Variants in LOXHD1 observed in about 807,000 individuals in gnomAD.
LOXHD1 encodes the protein lipoxygenase homology PLAT domains 1.
LOXHD1 carries 205 observed loss-of-function variants against 248.2 expected under a neutral mutation model. The observed-to-expected ratio is 0.83, with a 90% CI of 0.74 to 0.93. The LOEUF is 0.93. Among genes scored for constraint, LOXHD1 ranks in the 40% least tolerant of loss-of-function variants. The pLI, the probability that LOXHD1 is intolerant of heterozygous loss-of-function variation, is 0.00. For synonymous variants in LOXHD1, 1,113 were observed against 1,162.8 expected (o/e 0.96, Z 0.87); for missense variants, 2,930 against 2,971.6 (o/e 0.99, Z 0.33).
intron 20 of LOXHD1, chr18:46,557,752 C>T: frequency 1.1e-6 from 1 of 900,338 alleles, no homozygotes; most frequent in Non-Finnish European, 1.6e-6. Flanking sequence ...GTGAAGGTGA[C>T]CTTGAGAGGC....
intron 4 of LOXHD1, among the ~76,000 whole-genome samples, chr18:46,634,131 A>G (rs1235524200): frequency 1.3e-5 from 2 of 152,238 alleles, no homozygotes; most frequent in African/African-American, 4.8e-5. Flanking sequence ...TTGTACGCCC[A>G]TGTTCATAGC....
intron 37 of LOXHD1, among the ~76,000 whole-genome samples, chr18:46,497,459 A>T (rs2033945791): frequency 6.6e-6 from 1 of 152,178 alleles, no homozygotes. Flanking sequence ...TATGTGTGCA[A>T]TTAGTGTCTT....
rs2036623810 is a variant in LOXHD1 at position 46,542,872 on chromosome 18, C to A, written c.3620-17G>T. 1.3e-6 allele frequency: 2 copies of A among 1,551,522 alleles called. No homozygotes were observed. The highest frequency in any genetic ancestry group is 1.4e-5 in the African/African-American group (1 of 73,016). On this transcript the variant is annotated splice_polypyrimidine_tract_variant and intron_variant, in intron 23 of 40. Transcript: ENST00000642948. ...GGGTCATTCCTGTGGATCAGATGACCCCAGCATGACTGGCTGGACCTGAGG... is the reference window on the plus strand; with the variant it reads ...GGGTCATTCCTGTGGATCAGATGACACCAGCATGACTGGCTGGACCTGAGG...
At chr18:46,638,409 A>T (rs1199520076) in intron 4 of LOXHD1, among the ~76,000 whole-genome samples, 1 of 152,202 alleles carries the variant, frequency 6.6e-6, no homozygotes, top group Non-Finnish European at 1.5e-5. Flanking sequence ...AGGTGGGTGG[A>T]TCACCTGAGG....
chr18:46,538,885 C>T (rs1415806987), intron 25 of LOXHD1, among the ~76,000 whole-genome samples: 1 of 152,162 alleles, frequency 6.6e-6, no homozygotes. Flanking sequence ...TCCCAGATGG[C>T]CTGCCTGCCC....
chr18:46,577,619 C>T lies in LOXHD1; in HGVS notation c.1970+88G>A. ...TAGCCTTAAGCCACTGTTTTGCTTG[C>T]TGGTCATGGTAGTAGGGCTGGGTCT... On this transcript the variant is annotated intron_variant, in intron 14 of 40. Transcript: ENST00000642948. The T allele has an allele frequency of 2.8e-6, 4 of 1,437,764 alleles. No homozygotes were observed. The Admixed American group carries it at 6.5e-5, about 23-fold the overall frequency. The allele number at this position is 1,437,764 out of a possible 1,614,324, so 89.1% of individuals were successfully genotyped here.
rs189873733 is a variant in LOXHD1 at position 46,477,553 on chromosome 18, G to A, written c.6741C>T (p.Ala2247=). 3.8e-3 allele frequency: 5,912 copies of A among 1,551,616 alleles called. 18 individuals are homozygous for A. Among genetic ancestry groups the A allele is most frequent in the Non-Finnish European group, 4.5e-3 (5,139 of 1,147,000 alleles). Residue 2247 remains alanine (A), a synonymous_variant, in exon 41 of 41, where the codon GCC becomes GCT. Transcript: ENST00000642948. ...GCCACCTGCCACAGTTGAAGATGGT[G>A]GCCACGCCGGTGCTGGTGTTGGTGA... The part of the protein sequence containing the change: ...VEVTNTSTGV[A]TIFNCGRWLD...
chr18:46,579,310 T>TG (rs897332687), intron 13 of LOXHD1, among the ~76,000 whole-genome samples: 17 of 152,026 alleles, frequency 1.1e-4, no homozygotes, highest in Non-Finnish European at 2.1e-4. Flanking sequence ...AGCTCAGGGG[T>TG]GGGGGAGAAC....
At chr18:46,615,573 T>C (rs1334135383) in intron 5 of LOXHD1, among the ~76,000 whole-genome samples, 1 of 152,230 alleles carries the variant, frequency 6.6e-6, no homozygotes. Flanking sequence ...TCAAAGAATG[T>C]TGTCCCTATA....
chr18:46,638,376 A>G (rs1405774749), intron 4 of LOXHD1, among the ~76,000 whole-genome samples: 1 of 152,240 alleles, frequency 6.6e-6, no homozygotes, highest in Non-Finnish European at 1.5e-5. Context: ...TCATGCCTGT[A>G]ATCCCAGCAC....
chr18:46,577,597 C>T (rs2037882625), intron 14 of LOXHD1, 110 bp downstream of exon 14: 1 of 1,288,992 alleles, frequency 7.8e-7, no homozygotes, highest in African/African-American at 1.5e-5. Flanking sequence ...CCAGCTATAG[C>T]CTTAAGCCAC....
Position 46,521,199 on chromosome 18 carries a change from G to A in LOXHD1, c.5169C>T (p.Tyr1723=), listed in dbSNP as rs114736976. The change falls in exon 33 of 41, where the codon TAC becomes TAT. Residue 1723 remains tyrosine, a synonymous_variant. Coordinates refer to ENST00000642948, the MANE Select transcript of LOXHD1 (RefSeq NM_001384474.1). Reference sequence around the variant, plus strand: ...CCAGCCAGCAGTTACAGTTCAACATGTACTTGGTGCCCTGGGTGGGCACTG... The same window carrying A: ...CCAGCCAGCAGTTACAGTTCAACATATACTTGGTGCCCTGGGTGGGCACTG... ...CLAVPTQGTK[Y]MLNCNCWLAK... The A allele has an allele frequency of 3.2e-4, 497 of 1,551,746 alleles. No homozygotes were observed. The African/African-American group carries it at 6.2e-3, about 19-fold the overall frequency.
At chr18:46,511,260 A>G (rs902276438) in intron 34 of LOXHD1, among the ~76,000 whole-genome samples, 7 of 152,160 alleles carry the variant, frequency 4.6e-5, no homozygotes, top group Admixed American at 2.0e-4. Context: ...TTTGTCCTTC[A>G]GTCTTCCCAA....
intron 39 of LOXHD1, among the ~76,000 whole-genome samples, chr18:46,484,286 C>T (rs893566303): frequency 2.8e-4 from 42 of 152,152 alleles, no homozygotes; most frequent in African/African-American, 9.6e-4. Context: ...ATGTCTGTGC[C>T]CCAGTTCCCC....
rs867709870 is a variant in LOXHD1 at position 46,542,819 on chromosome 18, T to C, written c.3656A>G (p.Asp1219Gly). Residue 1219 changes from aspartate (D) to glycine (G), a missense_variant, in exon 24 of 41, where the codon GAT (aspartate) becomes GGT (glycine). By Grantham distance (94) the Asp-to-Gly change is moderately conservative. Transcript: ENST00000642948. ...TLLKSSKTNS[D>G]KFERDSIEIF... is the part of the protein sequence containing the mutation. ...TTCAATGCTGTCCCTCTCAAACTTA[T>C]CGCTGTTTGTCTTGGAGGACTTCAG... The C allele has an allele frequency of 6.4e-7, 1 of 1,551,704 alleles. No individual in the cohort carries two copies. Among genetic ancestry groups the C allele is most frequent in the Non-Finnish European group, 8.7e-7 (1 of 1,146,998 alleles).
chr18:46,637,587 C>T (rs947868345), intron 4 of LOXHD1, among the ~76,000 whole-genome samples: 3 of 151,388 alleles, frequency 2.0e-5, no homozygotes, highest in Non-Finnish European at 2.9e-5. Flanking sequence ...GGTGAAGGGC[C>T]CAGGCAAAAA....
At chr18:46,646,190 C>G (rs951416485) in intron 2 of LOXHD1, among the ~76,000 whole-genome samples, 2 of 152,110 alleles carry the variant, frequency 1.3e-5, no homozygotes, top group African/African-American at 4.8e-5. Flanking sequence ...GGGCAGCAGA[C>G]AGTGAGGTGC....
At chr18:46,553,338 C>T (rs745795926) in intron 21 of LOXHD1, among the ~76,000 whole-genome samples, 14 of 152,160 alleles carry the variant, frequency 9.2e-5, no homozygotes, top group Middle Eastern at 3.2e-3. Context: ...GCCCGTTGTA[C>T]AGATGGAAGG....
intron 37 of LOXHD1, among the ~76,000 whole-genome samples, chr18:46,493,209 C>T (rs1454804219): frequency 6.6e-6 from 1 of 152,208 alleles, no homozygotes; most frequent in Non-Finnish European, 1.5e-5. Flanking sequence ...CTGTTTGGAA[C>T]TATATTCCCC....
Sources: allele counts gnomAD v4.1 joint callset (sites outside exome capture counted in the v4.1 genomes callset), GRCh38; gene constraint gnomAD v4.1.1; transcripts MANE v1.5; gene names NCBI Gene and HGNC (gene_info 2026-07-23, HGNC 2026-07-21).